The following SEC16A variants were observed in gnomAD, a reference collection of about 807,000 sequenced individuals.
SEC16A encodes SEC16 homolog A, endoplasmic reticulum export factor.
A neutral mutation model predicts 221.9 loss-of-function variants in SEC16A; 110 were observed. The observed-to-expected ratio is 0.50, with a 90% CI of 0.42 to 0.58. SEC16A has a LOEUF of 0.58. Ranked by LOEUF, SEC16A falls within the 20% of genes least tolerant of loss-of-function variation. The pLI, the probability that SEC16A is intolerant of heterozygous loss-of-function variation, is 0.00. For synonymous variants in SEC16A, 1,393 were observed against 1,257.7 expected (o/e 1.11, Z -2.28); for missense variants, 3,165 against 3,097.8 (o/e 1.02, Z -0.52).
In SEC16A at chr9:136,475,277, T is replaced by C. The variant is rs1841467251; in HGVS notation, c.2339A>G (p.Gln780Arg). ...SRNPSSAAPV[Q>R]SRGGIGASEN... Reference sequence around the variant, plus strand: ...AGAAGCACCAATGCCACCTCGGCTCTGCACCGGGGCCGCCGAGCTTGGGTT... The same window carrying C: ...AGAAGCACCAATGCCACCTCGGCTCCGCACCGGGGCCGCCGAGCTTGGGTT... Residue 780 changes from glutamine (Q) to arginine (R), a missense_variant, in exon 3 of 32, where the codon CAG (glutamine) becomes CGG (arginine). Physicochemically the swap from Gln to Arg is conservative, Grantham distance 43. Transcript: ENST00000684901. This position sits in a 1 kb window ranked among gnomAD's most constrained non-coding sequence, Gnocchi z 5.0. The C allele has an allele frequency of 6.2e-6, 10 of 1,613,414 alleles. 1 individual carries two copies. The South Asian group carries it at 1.1e-4, about 18-fold the overall frequency.
In SEC16A at chr9:136,441,439, T is replaced by C. The variant is rs139357006; in HGVS notation, c.*316A>G. The C allele has an allele frequency of 8.3e-6, 3 of 359,690 alleles. No individual in the cohort carries two copies. In the East Asian group the frequency reaches 1.7e-4, roughly 20 times the overall value. 22.3% of individuals were successfully genotyped at this position (359,690 alleles called of 1,614,324 possible). On this transcript the variant is annotated 3_prime_UTR_variant, in exon 32 of 32. Transcript: ENST00000684901. ...CAGAGACAGCTCCGGCTTCAATGAA[T>C]GAACATTCTTAAATGACCAGGAATA...
At chr9:136,460,508 C>G (rs1044119693) in intron 13 of SEC16A, among the ~76,000 whole-genome samples, 1 of 151,616 alleles carries the variant, frequency 6.6e-6, no homozygotes, top group Non-Finnish European at 1.5e-5. Flanking sequence ...AAAATCAGCC[C>G]TAAGCCCTCT....
chr9:136,457,552 C>A lies in SEC16A; in HGVS notation c.5442G>T (p.Ala1814=), dbSNP rs539522346. 1.9e-6 allele frequency: 3 copies of A among 1,610,996 alleles called. No homozygotes were observed. Among genetic ancestry groups the A allele is most frequent in the Admixed American group, 1.7e-5 (1 of 59,704 alleles). ...VFKFIYSCRL[A]EMGLATQAFH... is the part of the protein sequence containing the mutation. ...AGGCTTGCGTGGCCAGCCCCATTTC[C>A]GCCAGGCGGCAGGAGTAGATGAACT... The change falls in exon 18 of 32, where the codon GCG becomes GCT. Residue 1814 remains alanine (A), a synonymous_variant. Transcript: ENST00000684901.
At chr9:136,483,717 C>G, upstream of SEC16A, 2 of 985,522 alleles carry the variant, frequency 2.0e-6, no homozygotes, top group Non-Finnish European at 2.4e-6. Flanking sequence ...GCTACTCCGC[C>G]CAGCTGAGAA....
chr9:136,468,778 C>A (rs1840482336), intron 4 of SEC16A, among the ~76,000 whole-genome samples: 1 of 152,194 alleles, frequency 6.6e-6, no homozygotes, highest in Admixed American at 6.5e-5. Flanking sequence ...ATTGCTGTAG[C>A]CTATAAAAGT....
At position 136,476,819 on chromosome 9, in the gene SEC16A, C is replaced by T. The variant is rs375989995; in HGVS notation, c.797G>A (p.Ser266Asn). The change falls in exon 3 of 32, where the codon AGC (serine) becomes AAC (asparagine). Residue 266 changes from serine (S) to asparagine (N), a missense_variant. Physicochemically the swap from Ser to Asn is conservative, Grantham distance 46. This residue lies in a region of SEC16A where 2,030 missense variants were observed against 1,923.1 expected (regional missense o/e 1.06). Transcript: ENST00000684901. ...LHQGPGHEQHSPLVAPPAALP... is the reference protein window; with the variant it reads ...LHQGPGHEQHNPLVAPPAALP... ...GGCTGCTGGGGGAGCCACCAGAGGG[C>T]TGTGTTGCTCATGACCAGGGCCCTG... 1 of 1,611,876 alleles carries T rather than the reference C, an allele frequency of 6.2e-7. No homozygotes were observed. The highest frequency in any genetic ancestry group is 8.5e-7 in the Non-Finnish European group (1 of 1,178,708).
Position 136,466,355 on chromosome 9 carries a change from C to T in SEC16A, c.4037G>A (p.Arg1346His), listed in dbSNP as rs368912937. ...TGCCGAGTGCTCGCTGTGGACGCTG[C>T]GCCGGTCCACCTCTTCCCCATAAGG... Reference protein sequence around the residue: ...RDPYGEEVDRRSVHSEHSARS... With the variant: ...RDPYGEEVDRHSVHSEHSARS... The change falls in exon 7 of 32, where the codon CGC (arginine) becomes CAC (histidine). Residue 1346 changes from arginine (R) to histidine (H), a missense_variant. Coordinates refer to ENST00000684901, the MANE Select transcript of SEC16A (RefSeq NM_014866.2). This position sits in a 1 kb window ranked among gnomAD's most constrained non-coding sequence, Gnocchi z 5.5. 1.2e-5 allele frequency: 19 copies of T among 1,585,664 alleles called. No individual in the cohort carries two copies. Among genetic ancestry groups the T allele is most frequent in the South Asian group, 2.3e-5 (2 of 87,990 alleles).
In SEC16A at chr9:136,476,194, C is replaced by T. The variant is rs1193193061; in HGVS notation, c.1422G>A (p.Glu474=). ...FVQNQEVLPS[E]PLNLDPSSPS... ...GGGAGGAAGGGTCCAAATTGAGGGG[C>T]TCACTTGGCAGAACTTCTTGATTCT... is the stretch of plus-strand genomic sequence containing the variant. The change falls in exon 3 of 32, where the codon GAG becomes GAA. Residue 474 remains glutamate (E), a synonymous_variant. Coordinates refer to ENST00000684901, the MANE Select transcript of SEC16A (RefSeq NM_014866.2). 1 of 1,613,874 alleles carries T rather than the reference C, an allele frequency of 6.2e-7. No homozygotes were observed. Among genetic ancestry groups the T allele is most frequent in the Admixed American group, 1.7e-5 (1 of 60,032 alleles).
At chr9:136,478,237 T>C (rs1589020235) in intron 2 of SEC16A, among the ~76,000 whole-genome samples, 1 of 152,102 alleles carries the variant, frequency 6.6e-6, no homozygotes, top group East Asian at 1.9e-4. Flanking sequence ...ATCTCGTTTC[T>C]ACAAAAAATA....
chr9:136,449,811 AT>A (rs1181901225), intron 23 of SEC16A, among the ~76,000 whole-genome samples: 13 of 152,238 alleles, frequency 8.5e-5, no homozygotes, highest in African/African-American at 3.1e-4. Flanking sequence ...GCTCACACAA[AT>A]TTGGAATTAA....
At chr9:136,473,364 T>C (rs556818456) in intron 3 of SEC16A, among the ~76,000 whole-genome samples, 2 of 152,354 alleles carry the variant, frequency 1.3e-5, no homozygotes, top group East Asian at 1.9e-4. Flanking sequence ...AAGCAGATAA[T>C]GATCAAATGT....
chr9:136,448,974 G>A (rs959572638), intron 23 of SEC16A: 10 of 632,652 alleles, frequency 1.6e-5, no homozygotes, highest in Admixed American at 2.6e-5. Context: ...AATGTACTTG[G>A]TGCCACAGAA....
chr9:136,441,682 CG>C lies in SEC16A; in HGVS notation c.*72del, dbSNP rs1836198602. 5.7e-6 allele frequency: 8 copies of C among 1,397,426 alleles called. No homozygotes were observed. In the African/African-American group the frequency reaches 1.1e-4, roughly 20 times the overall value. 86.6% of individuals were successfully genotyped at this position (1,397,426 alleles called of 1,614,324 possible). A position where few individuals can be genotyped will look rare whatever the true frequency, so the allele number is the denominator to read the frequency against. On this transcript the variant is annotated 3_prime_UTR_variant, in exon 32 of 32. Coordinates refer to ENST00000684901, the MANE Select transcript of SEC16A (RefSeq NM_014866.2). ...CTCCCTGGGGGCGGGACGGAGATCG[CG>C]GAGGTCGGTCGGGTTCTTCGGGGAG...
intron 4 of SEC16A, among the ~76,000 whole-genome samples, chr9:136,471,159 G>A (rs1009173380): frequency 1.3e-5 from 2 of 151,692 alleles, no homozygotes; most frequent in Non-Finnish European, 2.9e-5. Flanking sequence ...AAGCAGAGGC[G>A]GCAATGTCAA....
At chr9:136,453,369 G>T in intron 22 of SEC16A, 59 bp downstream of exon 22, 2 of 1,236,676 alleles carry the variant, frequency 1.6e-6, no homozygotes, top group South Asian at 1.2e-5. Context: ...AAGGAGTCTG[G>T]GTGCCCACTC....
upstream of SEC16A, chr9:136,483,437 T>C (rs1247701273): frequency 6.0e-5 from 20 of 331,046 alleles, no homozygotes; most frequent in Non-Finnish European, 7.3e-5. Flanking sequence ...TTCCCGCCCC[T>C]TTGGCCCCGC....
At chr9:136,461,702 C>A (rs905746767) in intron 12 of SEC16A, among the ~76,000 whole-genome samples, 2 of 152,156 alleles carry the variant, frequency 1.3e-5, no homozygotes, top group African/African-American at 4.8e-5. Flanking sequence ...TCATCCAGGG[C>A]ATAATTTAGA....
At chr9:136,472,167 A>G (rs1840963750) in intron 3 of SEC16A, 56 bp from the exon 4 acceptor site, 1 of 1,602,230 alleles carries the variant, frequency 6.2e-7, no homozygotes, top group Admixed American at 1.7e-5. Context: ...AAGCTCGTCC[A>G]ACAGCCAGCC....
chr9:136,449,495 G>C (rs549607584), intron 23 of SEC16A, among the ~76,000 whole-genome samples: 1 of 152,216 alleles, frequency 6.6e-6, no homozygotes, highest in Admixed American at 6.5e-5. Flanking sequence ...TGATCTGCTC[G>C]CCTCAGCATC....
Sources: gnomAD v4.1 joint callset for allele counts (sites outside exome capture counted in the v4.1 genomes callset) on GRCh38, gnomAD v4.1.1 for gene constraint, gnomAD v4.1.1 regional missense constraint, Gnocchi (gnomAD v3.1) non-coding constraint, MANE v1.5 for transcripts, NCBI Gene and HGNC (gene_info 2026-07-23, HGNC 2026-07-21) for gene names.